Variants in RFC2 observed in about 807,000 individuals in gnomAD.
RFC2 encodes the protein replication factor C subunit 2, also known as A1 40 kDa subunit.
Under a neutral mutation model 44.8 loss-of-function variants are expected in RFC2, and 34 were observed. The observed-to-expected ratio is 0.76, with a 90% CI of 0.58 to 1.01. The LOEUF (loss-of-function observed/expected upper bound fraction) is 1.01, where lower values mean the gene tolerates loss of function less well. RFC2 is among the 50% of genes least tolerant of loss of function. RFC2 has a pLI of 0.00. For synonymous variants in RFC2, 177 were observed against 168.9 expected, an observed-to-expected ratio of 1.05 and a Z score of -0.37; for missense variants, 400 against 453.6, an observed-to-expected ratio of 0.88 and a Z score of 1.07.
At chr7:74,241,076 G>A (rs955492890) in intron 6 of RFC2, among the ~76,000 whole-genome samples, 3 of 152,054 alleles carry the variant, frequency 2.0e-5, no homozygotes, top group South Asian at 2.1e-4. Context: ...GATTACAGGC[G>A]CACGCTATCA....
At chr7:74,237,524 C>T in intron 8 of RFC2, 82 bp from the exon 9 acceptor site, 1 of 781,958 alleles carries the variant, frequency 1.3e-6, no homozygotes, top group East Asian at 2.9e-5. Flanking sequence ...GACTTCCAGG[C>T]AATCTATGGG....
intron 5 of RFC2, among the ~76,000 whole-genome samples, chr7:74,245,107 A>G (rs1803525400): frequency 6.7e-6 from 1 of 149,430 alleles, no homozygotes; most frequent in East Asian, 2.0e-4. Context: ...TCAGCTCACC[A>G]CAACCTTCGC....
intron 9 of RFC2, among the ~76,000 whole-genome samples, chr7:74,236,449 G>T (rs1270172490): frequency 6.6e-6 from 1 of 152,196 alleles, no homozygotes; most frequent in Non-Finnish European, 1.5e-5. Flanking sequence ...GGGAAACCAT[G>T]ACTGGATCAA....
chr7:74,238,119 C>A lies in RFC2; in HGVS notation c.760-677G>T, dbSNP rs1376359403. ...GTGACCCTCCAAGACAAAACAGGGC[C>A]CGAACCATCACCCCTGTTTCTGAGC... On this transcript the variant is annotated intron_variant, in intron 8 of 10. Transcript: ENST00000055077. This position sits in a 1 kb window ranked among gnomAD's most constrained non-coding sequence, Gnocchi z 4.0. Among the ~76,000 whole-genome samples the A allele has an allele frequency of 6.6e-6, 1 of 152,028 alleles. No individual in the cohort carries two copies. The highest frequency in any genetic ancestry group is 1.5e-5 in the Non-Finnish European group (1 of 68,016).
Position 74,249,900 on chromosome 7 carries a change from T to C in RFC2, c.184-120A>G. On this transcript the variant is annotated intron_variant, in intron 2 of 10. Transcript: ENST00000055077. ...TCGGCTGAGCACAATGGCTCAGGCC[T>C]GTAATCCTAGCAGTTTGGGAGGCCA... The C allele has an allele frequency of 4.7e-6, 4 of 856,636 alleles. 1 individual carries two copies. Among genetic ancestry groups the C allele is most frequent in the South Asian group, 4.1e-5 (3 of 73,780 alleles). 53.1% of individuals were successfully genotyped at this position (856,636 alleles called of 1,614,324 possible). A position where few individuals can be genotyped will look rare whatever the true frequency, so the allele number is the denominator to read the frequency against.
rs1803143762 is a variant in RFC2 at position 74,238,452 on chromosome 7, C to T, written c.759+471G>A. Among the ~76,000 whole-genome samples the T allele has an allele frequency of 1.3e-5, 2 of 152,090 alleles. No homozygotes were observed. The highest frequency in any genetic ancestry group is 2.9e-5 in the Non-Finnish European group (2 of 68,010). ...CAGCCTGGCTTTGAGGGTTACTACC[C>T]ACCCTCCAGGGGCAGAAGTGGGGAG... On this transcript the variant is annotated intron_variant, in intron 8 of 10. Transcript: ENST00000055077. This position sits in a 1 kb window ranked among gnomAD's most constrained non-coding sequence, Gnocchi z 4.0.
intron 1 of RFC2, chr7:74,253,575 T>C (rs1336168618): frequency 6.6e-6 from 1 of 152,532 alleles, no homozygotes; most frequent in African/African-American, 2.4e-5. Context: ...AAACACAAAA[T>C]TAGCAGGGTG....
chr7:74,237,495 G>A (rs797037682), intron 8 of RFC2, 53 bp from the exon 9 acceptor site: 101 of 1,269,840 alleles, frequency 8.0e-5, no homozygotes, highest in African/African-American at 1.3e-4. Flanking sequence ...CAATGTGAGC[G>A]GGGAGGCCCC....
In RFC2 at chr7:74,246,710, G is replaced by A. The variant is rs782734432; in HGVS notation, c.386C>T (p.Thr129Ile). ...GATCTTATGTCGGCCTTTGGGAAGAGTGACTTTTTGTTGAGCAAACATTTT... is the reference window on the plus strand; with the variant it reads ...GATCTTATGTCGGCCTTTGGGAAGAATGACTTTTTGTTGAGCAAACATTTT... ...KIKMFAQQKV[T>I]LPKGRHKIII... is the part of the protein sequence containing the mutation. The change falls in exon 5 of 11, where the codon ACT (threonine) becomes ATT (isoleucine). Residue 129 changes from threonine (T) to isoleucine (I), a missense_variant. Thr to Ile is a moderately conservative substitution (Grantham distance 89). Transcript: ENST00000055077. 1.9e-6 allele frequency: 3 copies of A among 1,613,144 alleles called. No individual in the cohort carries two copies. Among genetic ancestry groups the A allele is most frequent in the Non-Finnish European group, 2.5e-6 (3 of 1,179,488 alleles).
intron 5 of RFC2, among the ~76,000 whole-genome samples, chr7:74,243,807 T>A (rs1205091911): frequency 6.8e-6 from 1 of 147,688 alleles, no homozygotes; most frequent in African/African-American, 2.5e-5. Context: ...CAAAAAATTT[T>A]AAAAAATACA....
At chr7:74,252,527 C>T (rs781885929) in intron 1 of RFC2, 29 bp from the exon 2 acceptor site, 6 of 1,329,896 alleles carry the variant, frequency 4.5e-6, no homozygotes, top group Non-Finnish European at 6.5e-6. Context: ...AAAATGCTGA[C>T]ATGGTTATCT....
intron 6 of RFC2, among the ~76,000 whole-genome samples, chr7:74,242,922 C>CA (rs369066999): frequency 0.052 from 5,665 of 108,476 alleles, 240 homozygotes; most frequent in African/African-American, 0.14. Context: ...GACTTTGTCT[C>CA]AAAAAAAAAA....
chr7:74,249,601 C>T (rs1803818307), intron 3 of RFC2, 138 bp downstream of exon 3: 1 of 716,138 alleles, frequency 1.4e-6, no homozygotes, highest in African/African-American at 1.8e-5. Flanking sequence ...GGCCTCCCAA[C>T]TAGAGTGAAA....
At chr7:74,235,821 TA>T (rs1488322681) in intron 9 of RFC2, among the ~76,000 whole-genome samples, 176 bp from the exon 10 acceptor site, 1 of 152,088 alleles carries the variant, frequency 6.6e-6, no homozygotes, top group African/African-American at 2.4e-5. Context: ...TTTGCTTAAA[TA>T]TTTTTTTTTC....
In RFC2 at chr7:74,237,373, C is replaced by T. The variant is rs781977542; in HGVS notation, c.829G>A (p.Glu277Lys). The T allele has an allele frequency of 1.9e-6, 3 of 1,604,518 alleles. No homozygotes were observed. The highest frequency in any genetic ancestry group is 1.7e-5 in the Admixed American group (1 of 57,874). The change falls in exon 9 of 11, where the codon GAA becomes AAA. Residue 277 changes from glutamate to lysine, a missense_variant. By Grantham distance (56) the Glu-to-Lys change is moderately conservative (BLOSUM62 1). Transcript: ENST00000055077. ...IQHCVNANID[E>K]AYKILAHLWH... ...GGAAGGAGGCCAACCTTGTAGGCTT[C>T]GTCAATGTTGGCATTCACACAGTGC...
intron 10 of RFC2, 82 bp from the exon 11 acceptor site, chr7:74,232,298 A>G (rs1802777716): frequency 1.3e-6 from 1 of 788,508 alleles, no homozygotes; most frequent in Non-Finnish European, 2.1e-6. Flanking sequence ...AATAAAAATA[A>G]AAACAGAAAC....
At chr7:74,244,535 T>TA (rs1469303892) in intron 5 of RFC2, among the ~76,000 whole-genome samples, 2 of 151,592 alleles carry the variant, frequency 1.3e-5, no homozygotes, top group Admixed American at 6.6e-5. Context: ...CATGTCCGGC[T>TA]AATTTTTATA....
intron 2 of RFC2, among the ~76,000 whole-genome samples, chr7:74,250,092 G>A (rs530205853): frequency 7.3e-5 from 11 of 151,502 alleles, no homozygotes; most frequent in East Asian, 2.0e-4. Flanking sequence ...AGTGGAGGCC[G>A]CAGTGAGCTG....
In RFC2 at chr7:74,240,077, C is replaced by A; in HGVS notation, c.554G>T (p.Cys185Phe). Residue 185 changes from cysteine to phenylalanine, a missense_variant, in exon 7 of 11, where the codon TGT becomes TTT. Cys to Phe is a radical substitution (Grantham distance 205). Transcript: ENST00000055077. ...DKIIEPIQSR[C>F]AVLRYTKLTD... ...CAGCTTTGTGTACCGGAGGACTGCA[C>A]AGCGGGACTGAATGGGCTCTGAACA... 6.2e-7 allele frequency: 1 copy of A among 1,614,000 alleles called. No homozygotes were observed. Among genetic ancestry groups the A allele is most frequent in the South Asian group, 1.1e-5 (1 of 91,076 alleles).
Sources: gnomAD v4.1 joint callset for allele counts (sites outside exome capture counted in the v4.1 genomes callset) on GRCh38, gnomAD v4.1.1 for gene constraint, Gnocchi (gnomAD v3.1) non-coding constraint, MANE v1.5 for transcripts, NCBI Gene and HGNC (gene_info 2026-07-23, HGNC 2026-07-21) for gene names.